The following GAB2 variants were observed in gnomAD, a reference collection of about 807,000 sequenced individuals.
GAB2 encodes GRB2 associated binding protein 2, also known as GRB2-associated-binding protein 2.
Under a neutral mutation model 65.5 loss-of-function variants are expected in GAB2, and 26 were observed. That is an observed-to-expected ratio of 0.40 (90% CI 0.29 to 0.55). The LOEUF (loss-of-function observed/expected upper bound fraction) is 0.55, where lower values mean the gene tolerates loss of function less well. Ranked by LOEUF, GAB2 falls within the 20% of genes least tolerant of loss-of-function variation. The pLI, the probability that GAB2 is intolerant of heterozygous loss-of-function variation, is 0.53. For synonymous variants in GAB2, 321 were observed against 329.6 expected (o/e 0.97, Z 0.28); for missense variants, 884 against 875.8 (o/e 1.01, Z -0.12).
intron 1 of GAB2, among the ~76,000 whole-genome samples, chr11:78,282,970 T>C (rs1171721270): frequency 6.6e-6 from 1 of 152,230 alleles, no homozygotes; most frequent in Non-Finnish European, 1.5e-5. Flanking sequence ...TCTAATGCTC[T>C]GCCAACTCTA....
At chr11:78,411,423 T>C (rs1219008162) in intron 1 of GAB2, among the ~76,000 whole-genome samples, 6 of 152,046 alleles carry the variant, frequency 3.9e-5, no homozygotes, top group African/African-American at 1.4e-4. Context: ...AAGAATAAAG[T>C]AGAGGAATCA....
At chr11:78,315,702 G>C (rs934330820) in intron 1 of GAB2, among the ~76,000 whole-genome samples, 2 of 152,226 alleles carry the variant, frequency 1.3e-5, no homozygotes, top group Admixed American at 1.3e-4. Flanking sequence ...TGAATCAAAG[G>C]ACACAATCAA....
intron 1 of GAB2, among the ~76,000 whole-genome samples, chr11:78,291,294 C>CAAAAAAAAAA (rs397848614): frequency 9.6e-6 from 1 of 103,892 alleles, no homozygotes; most frequent in Non-Finnish European, 1.9e-5. Context: ...ACTAAAACGA[C>CAAAAAAAAAA]AAAAAAAAAA....
chr11:78,301,247 CT>C (rs1024854559), intron 1 of GAB2, among the ~76,000 whole-genome samples: 3 of 151,722 alleles, frequency 2.0e-5, no homozygotes, highest in African/African-American at 7.3e-5. Flanking sequence ...TGTGGCTTGC[CT>C]TTTCTTTTTT....
intron 2 of GAB2, among the ~76,000 whole-genome samples, chr11:78,280,306 G>T (rs906449628): frequency 1.2e-4 from 18 of 152,176 alleles, no homozygotes; most frequent in Admixed American, 4.6e-4. Context: ...GACAGCACAG[G>T]GAAGAGAGAA....
intron 1 of GAB2, among the ~76,000 whole-genome samples, chr11:78,356,183 A>AC (rs959161608): frequency 1.8e-4 from 14 of 76,714 alleles, no homozygotes; most frequent in African/African-American, 9.4e-4. Flanking sequence ...AAAAAAAAAG[A>AC]AAAAAAAAAA....
At position 78,243,606 on chromosome 11, in the gene GAB2, C is replaced by G. The variant is rs201931946; in HGVS notation, c.620+6551G>C. ...CTGTAATCCCAGCACTTTGGGAGGC[C>G]GAGGCGGGCAGATCACGAGGTCAGG... On this transcript the variant is annotated intron_variant, in intron 3 of 9. Transcript: ENST00000361507. Among the ~76,000 whole-genome samples, 4 of 151,808 alleles carry G rather than the reference C, an allele frequency of 2.6e-5. No individual in the cohort carries two copies. In the East Asian group the frequency reaches 7.7e-4, roughly 29 times the overall value.
chr11:78,353,909 T>G (rs543238592), intron 1 of GAB2, among the ~76,000 whole-genome samples: 2 of 152,236 alleles, frequency 1.3e-5, no homozygotes, highest in Non-Finnish European at 2.9e-5. Context: ...CAAACTTCAG[T>G]ATGCATCAGA....
At chr11:78,253,525 C>T (rs1865515256) in intron 2 of GAB2, among the ~76,000 whole-genome samples, 1 of 152,068 alleles carries the variant, frequency 6.6e-6, no homozygotes. Context: ...AACTTCTGGC[C>T]TTAATCAATC....
intron 1 of GAB2, among the ~76,000 whole-genome samples, chr11:78,296,318 A>C (rs879508016): frequency 7.9e-5 from 12 of 152,232 alleles, no homozygotes; most frequent in Non-Finnish European, 1.8e-4. Context: ...CATTTTTATC[A>C]ATCGGTCAAT....
chr11:78,260,576 A>C (rs1424708404), intron 2 of GAB2, among the ~76,000 whole-genome samples: 1 of 151,180 alleles, frequency 6.6e-6, no homozygotes, highest in African/African-American at 2.4e-5. Flanking sequence ...GGTTCAAGTG[A>C]TTCTCCTGCC....
chr11:78,290,345 A>G (rs1174218951), intron 1 of GAB2, among the ~76,000 whole-genome samples: 1 of 152,228 alleles, frequency 6.6e-6, no homozygotes, highest in Non-Finnish European at 1.5e-5. Flanking sequence ...GATGAAATAG[A>G]AGTGACTGTT....
chr11:78,291,560 T>C (rs111274658), intron 1 of GAB2, among the ~76,000 whole-genome samples: 80 of 70,622 alleles, frequency 1.1e-3, no homozygotes, highest in Non-Finnish European at 1.6e-3. Flanking sequence ...TTTTTCTTTT[T>C]CTTTTTTTTT....
chr11:78,274,624 T>C (rs1393541729), intron 2 of GAB2, among the ~76,000 whole-genome samples: 1 of 152,216 alleles, frequency 6.6e-6, no homozygotes, highest in Non-Finnish European at 1.5e-5. Flanking sequence ...TGATTTGAAC[T>C]AAGACATCCT....
chr11:78,398,048 G>C (rs1202930526), intron 1 of GAB2, among the ~76,000 whole-genome samples: 1 of 100,172 alleles, frequency 1.0e-5, no homozygotes, highest in Non-Finnish European at 1.9e-5. Context: ...ACACATCCCT[G>C]GCCTATACTC....
intron 1 of GAB2, among the ~76,000 whole-genome samples, chr11:78,301,330 G>T (rs1458260654): frequency 5.5e-5 from 8 of 145,770 alleles, no homozygotes; most frequent in Admixed American, 3.4e-4. Flanking sequence ...GTATCTTGTG[G>T]TTTTTTGTTT....
chr11:78,247,024 T>C (rs1865318001), intron 3 of GAB2, among the ~76,000 whole-genome samples: 1 of 152,220 alleles, frequency 6.6e-6, no homozygotes, highest in African/African-American at 2.4e-5. Context: ...TTCTGGAATA[T>C]ACTAGCTCCT....
At chr11:78,262,454 G>T (rs947911649) in intron 2 of GAB2, among the ~76,000 whole-genome samples, 3 of 152,228 alleles carry the variant, frequency 2.0e-5, no homozygotes, top group Non-Finnish European at 2.9e-5. Context: ...TGAGGGAAAA[G>T]ATCTTGAACT....
At chr11:78,288,617 C>G (rs868168592) in intron 1 of GAB2, among the ~76,000 whole-genome samples, 1 of 151,502 alleles carries the variant, frequency 6.6e-6, no homozygotes, top group Non-Finnish European at 1.5e-5. Flanking sequence ...AGGTATAAAT[C>G]TAAAAAAATC....
Sources: allele counts gnomAD v4.1 joint callset (sites outside exome capture counted in the v4.1 genomes callset), GRCh38; gene constraint gnomAD v4.1.1; transcripts MANE v1.5; gene names NCBI Gene and HGNC (gene_info 2026-07-23, HGNC 2026-07-21).